The following PTH2R variants were observed in gnomAD, a reference collection of about 807,000 sequenced individuals.
PTH2R encodes the protein PTH2 receptor.
In PTH2R, 59 loss-of-function variants were observed where a neutral mutation model predicts 60.3. The ratio of observed to expected loss-of-function variants is 0.98; its 90% CI spans 0.79 to 1.22. The LOEUF (loss-of-function observed/expected upper bound fraction) is 1.22, where lower values mean the gene tolerates loss of function less well. PTH2R is among the 50% of genes most tolerant of loss of function. PTH2R has a pLI of 0.00. For synonymous variants in PTH2R, 256 were observed against 243.8 expected, an observed-to-expected ratio of 1.05 and a Z score of -0.47; for missense variants, 749 against 682.6, an observed-to-expected ratio of 1.10 and a Z score of -1.08.
chr2:208,482,268 G>T (rs1211702845), intron 10 of PTH2R, among the ~76,000 whole-genome samples: 1 of 152,154 alleles, frequency 6.6e-6, no homozygotes, highest in Non-Finnish European at 1.5e-5. Context: ...CTCTCTCTTT[G>T]TTCCCAGGCG....
At chr2:208,365,928 A>AT (rs1378234103) in intron 1 of PTH2R, among the ~76,000 whole-genome samples, 9 of 36,942 alleles carry the variant, frequency 2.4e-4, no homozygotes, top group Non-Finnish European at 4.0e-4. Context: ...TATAATAGAT[A>AT]AATATATATA....
rs959777315 is a variant in PTH2R at position 208,427,361 on chromosome 2, A to T, written c.76-840A>T. ...ATATCCAGTTCATTTGCTCTTTTTGATATGTGAGATTTTAGGCTCACTTTC... is the reference window on the plus strand; with the variant it reads ...ATATCCAGTTCATTTGCTCTTTTTGTTATGTGAGATTTTAGGCTCACTTTC... On this transcript the variant is annotated intron_variant, in intron 1 of 12. Coordinates refer to ENST00000272847, the MANE Select transcript of PTH2R (RefSeq NM_005048.4). Among the ~76,000 whole-genome samples, 11 of 152,290 alleles carry T rather than the reference A, an allele frequency of 7.2e-5. No individual in the cohort carries two copies. In the South Asian group the frequency reaches 1.4e-3, roughly 20 times the overall value.
intron 8 of PTH2R, among the ~76,000 whole-genome samples, chr2:208,457,020 C>T (rs1327701699): frequency 1.3e-5 from 2 of 152,076 alleles, no homozygotes; most frequent in African/African-American, 4.8e-5. Flanking sequence ...ATAATTGAAT[C>T]CCAATGTGTT....
chr2:208,372,547 A>G (rs1480695731), intron 1 of PTH2R, among the ~76,000 whole-genome samples: 1 of 152,096 alleles, frequency 6.6e-6, no homozygotes, highest in Non-Finnish European at 1.5e-5. Context: ...AGAATTGTTA[A>G]GTAATATACT....
At chr2:208,384,361 A>C in intron 1 of PTH2R, among the ~76,000 whole-genome samples, 1 of 152,320 alleles carries the variant, frequency 6.6e-6, no homozygotes, top group East Asian at 1.9e-4. Flanking sequence ...GAAATGCATG[A>C]AAGTATGAAG....
intron 1 of PTH2R, among the ~76,000 whole-genome samples, chr2:208,367,509 C>T (rs1391529483): frequency 6.6e-6 from 1 of 150,794 alleles, no homozygotes; most frequent in Non-Finnish European, 1.5e-5. Context: ...CAACCTCCGC[C>T]TCCCAGACTC....
chr2:208,493,351 G>A lies in PTH2R; in HGVS notation c.1345G>A (p.Gly449Ser), dbSNP rs374399772. The change falls in exon 13 of 13, where the codon GGC (glycine) becomes AGC (serine). Residue 449 changes from glycine (G) to serine (S), a missense_variant. Coordinates refer to ENST00000272847, the MANE Select transcript of PTH2R (RefSeq NM_005048.4). The stretch of plus-strand genomic sequence containing the variant: ...ACCGCCATGTGGCAGCCGCAGATGC[G>A]GCTCAGTGCTCACCACCGTGACGCA... ...RTPPCGSRRC[G>S]SVLTTVTHST... The A allele has an allele frequency of 9.6e-5, 152 of 1,583,692 alleles. 3 individuals are homozygous for A. The South Asian group carries it at 1.1e-3, about 11-fold the overall frequency.
upstream of PTH2R, among the ~76,000 whole-genome samples, chr2:208,404,425 C>T (rs1701363906): frequency 6.6e-6 from 1 of 152,082 alleles, no homozygotes; most frequent in Non-Finnish European, 1.5e-5. Context: ...ATTATTTTCC[C>T]TTAAGCTACA....
exon 1 of PTH2R, chr2:208,359,814 G>C (rs558270816): frequency 6.4e-6 from 1 of 156,352 alleles, no homozygotes; most frequent in East Asian, 1.9e-4. Flanking sequence ...CCCCTGCCTG[G>C]GTTCCTGCAG....
At chr2:208,472,691 C>T (rs1471673378) in intron 9 of PTH2R, among the ~76,000 whole-genome samples, 8 of 152,136 alleles carry the variant, frequency 5.3e-5, no homozygotes. Context: ...ATGTCTTTAT[C>T]AGCAGCATGT....
chr2:208,430,011 G>C (rs1701938216), intron 2 of PTH2R, among the ~76,000 whole-genome samples: 1 of 152,016 alleles, frequency 6.6e-6, no homozygotes, highest in African/African-American at 2.4e-5. Flanking sequence ...CACTTCCCCA[G>C]TTCCAACTCT....
At position 208,489,274 on chromosome 2, in the gene PTH2R, T is replaced by G. The variant is rs1051165798; in HGVS notation, c.1215+124T>G. Reference sequence around the variant, plus strand: ...TGCACCTGTCTGGGGAGTTGGGGGGTGCAGAAAGGTCAATATTTCTATAGT... The same window carrying G: ...TGCACCTGTCTGGGGAGTTGGGGGGGGCAGAAAGGTCAATATTTCTATAGT... On this transcript the variant is annotated intron_variant, in intron 11 of 12. Transcript: ENST00000272847. 2.5e-6 allele frequency: 3 copies of G among 1,202,316 alleles called. No individual in the cohort carries two copies. The Admixed American group carries it at 7.0e-5, about 28-fold the overall frequency. 74.5% of individuals were successfully genotyped at this position (1,202,316 alleles called of 1,614,324 possible). A position where few individuals can be genotyped will look rare whatever the true frequency, so the allele number is the denominator to read the frequency against.
At chr2:208,389,578 C>T in intron 1 of PTH2R, among the ~76,000 whole-genome samples, 1 of 152,150 alleles carries the variant, frequency 6.6e-6, no homozygotes, top group East Asian at 1.9e-4. Context: ...TGGGTAGACA[C>T]TGGAATAGTA....
At chr2:208,360,889 C>G (rs1032376328) in intron 1 of PTH2R, 6 of 198,674 alleles carry the variant, frequency 3.0e-5, no homozygotes, top group African/African-American at 1.4e-4. Context: ...CGCTCCTCCA[C>G]GCACTTGATG....
At chr2:208,422,166 AG>A (rs1207061398) in intron 1 of PTH2R, among the ~76,000 whole-genome samples, 1 of 152,216 alleles carries the variant, frequency 6.6e-6, no homozygotes, top group African/African-American at 2.4e-5. Flanking sequence ...AGGGAAAAAA[AG>A]GGTGCAAATT....
chr2:208,446,502 A>G (rs543816219), intron 7 of PTH2R, among the ~76,000 whole-genome samples: 8 of 152,336 alleles, frequency 5.3e-5, no homozygotes, highest in African/African-American at 1.9e-4. Flanking sequence ...CTTTTCATGG[A>G]AACTGTCTGT....
chr2:208,458,282 TG>T (rs1702555812), intron 8 of PTH2R, among the ~76,000 whole-genome samples: 1 of 152,082 alleles, frequency 6.6e-6, no homozygotes, highest in Non-Finnish European at 1.5e-5. Context: ...TCTCTGCCCA[TG>T]TAGAACTTAA....
rs115442101 is a variant in PTH2R at position 208,481,864 on chromosome 2, G to C, written c.1076+700G>C. On this transcript the variant is annotated intron_variant, in intron 10 of 12. Coordinates refer to ENST00000272847, the MANE Select transcript of PTH2R (RefSeq NM_005048.4). ...CATCAAATTGTCTCTCACTAAATAT[G>C]CAAATATATTGACTGAGAGAGGTCC... 6.7e-3 allele frequency among the ~76,000 whole-genome samples: 1,021 copies of C among 152,280 alleles called. 15 individuals carry two copies. The highest frequency in any genetic ancestry group is 0.023 in the African/African-American group (948 of 41,544).
At chr2:208,451,143 T>A (rs1284376862) in intron 8 of PTH2R, among the ~76,000 whole-genome samples, 2 of 152,148 alleles carry the variant, frequency 1.3e-5, no homozygotes, top group Non-Finnish European at 2.9e-5. Flanking sequence ...AGAACTACAC[T>A]ACCTGATTCC....
Sources: gnomAD v4.1 joint callset for allele counts (sites outside exome capture counted in the v4.1 genomes callset) on GRCh38, gnomAD v4.1.1 for gene constraint, MANE v1.5 for transcripts, NCBI Gene and HGNC (gene_info 2026-07-23, HGNC 2026-07-21) for gene names.